The following TNRC18 variants were observed in gnomAD, a reference collection of about 807,000 sequenced individuals.
TNRC18 encodes the protein trinucleotide repeat containing 18.
TNRC18 carries 69 observed loss-of-function variants against 226.7 expected under a neutral mutation model. The observed-to-expected ratio is 0.30, with a 90% CI of 0.25 to 0.37. The LOEUF is 0.37. TNRC18 is among the 10% of genes least tolerant of loss of function. The probability of loss-of-function intolerance (pLI) is 1.00; values close to 1 mark genes in which losing one functional copy is unlikely to be tolerated. For missense variants in TNRC18, 4,754 were observed against 4,256.6 expected, an observed-to-expected ratio of 1.12 and a Z score of -3.25; for synonymous variants, 2,449 against 1,927.6, an observed-to-expected ratio of 1.27 and a Z score of -7.09.
chr7:5,313,039 A>AT lies in TNRC18; in HGVS notation c.7851_7852insA (p.Ser2618IlefsTer67). ...GAGGAGGAGGAGGAGGAGGATGAGG[A>AT]GGAGGAGGAGGAGGCCGGTGAGGCC... On this transcript the variant is annotated frameshift_variant, in exon 27 of 30. Transcript: ENST00000430969. LOFTEE classifies it high-confidence loss of function. The AT allele has an allele frequency of 1.1e-6, 1 of 943,708 alleles. No homozygotes were observed. Among genetic ancestry groups the AT allele is most frequent in the Non-Finnish European group, 1.7e-6 (1 of 605,908 alleles). The allele number at this position is 943,708 out of a possible 1,614,324, so 58.5% of individuals were successfully genotyped here.
At chr7:5,318,952 A>T (rs1184962338) in intron 24 of TNRC18, among the ~76,000 whole-genome samples, 1 of 152,236 alleles carries the variant, frequency 6.6e-6, no homozygotes, top group Non-Finnish European at 1.5e-5. Flanking sequence ...TCCACTGCTT[A>T]AAACAAGGAA....
In TNRC18 at chr7:5,370,851, T is replaced by G; in HGVS notation, c.3743A>C (p.Gln1248Pro). The stretch of plus-strand genomic sequence containing the variant: ...CTCCACCAGTGTCTCGGGTGTCAGC[T>G]GCACCCCCAGGTCCAGGGCGGCGGT... The part of the protein sequence containing the change: ...PCTAALDLGV[Q>P]LTPETLVEAK... Residue 1248 changes from glutamine (Q) to proline (P), a missense_variant, in exon 11 of 30, where the codon CAG (glutamine) becomes CCG (proline). Physicochemically the swap from Gln to Pro is moderately conservative, Grantham distance 76. Transcript: ENST00000430969. The G allele has an allele frequency of 6.2e-7, 1 of 1,609,004 alleles. No individual in the cohort carries two copies. The highest frequency in any genetic ancestry group is 1.3e-5 in the African/African-American group (1 of 74,902).
At chr7:5,380,219 G>A (rs917645836) in intron 5 of TNRC18, among the ~76,000 whole-genome samples, 5 of 152,208 alleles carry the variant, frequency 3.3e-5, no homozygotes, top group African/African-American at 4.8e-5. Context: ...GCCGAGGTGG[G>A]AGGATCACTG....
Position 5,308,928 on chromosome 7 carries a change from G to A in TNRC18, c.8647C>T (p.Arg2883Cys), listed in dbSNP as rs780652959. ...QGQHWDQKSS[R>C]SLPAALRVSS... ...ACCCGCAGGGCCGCCGGGAGGCTGC[G>A]GCTGGACTTCTGGTCCCAGTGCTGT... Residue 2883 changes from arginine (R) to cysteine (C), a missense_variant, in exon 29 of 30, where the codon CGC becomes TGC. By Grantham distance (180) the Arg-to-Cys change is radical. Coordinates refer to ENST00000430969, the MANE Select transcript of TNRC18 (RefSeq NM_001080495.3). 7.3e-5 allele frequency: 117 copies of A among 1,605,698 alleles called. No individual in the cohort carries two copies. Among genetic ancestry groups the A allele is most frequent in the Admixed American group, 1.5e-4 (9 of 59,200 alleles).
rs902748866 is a variant in TNRC18, at chr7:5,313,077, G to A, written c.7814C>T (p.Ala2605Val). The A allele has an allele frequency of 1.7e-6, 2 of 1,206,320 alleles. No homozygotes were observed. The highest frequency in any genetic ancestry group is 3.0e-5 in the African/African-American group (2 of 66,626). The allele number at this position is 1,206,320 out of a possible 1,614,324, so 74.7% of individuals were successfully genotyped here. Residue 2605 changes from alanine to valine, a missense_variant, in exon 27 of 30, where the codon GCC becomes GTC. By Grantham distance (64) the Ala-to-Val change is moderately conservative. Transcript: ENST00000430969. ...GGCCGGTGAGGCCGCCCTGGAGCTG[G>A]CAGCGCTGCAGTTACGGCCCCCGGT... ...CGTGGRNCSAASSRAASPASS... is the reference protein window; with the variant it reads ...CGTGGRNCSAVSSRAASPASS...
chr7:5,377,828 A>G lies in TNRC18; in HGVS notation c.2255+94T>C. The G allele has an allele frequency of 1.6e-6, 2 of 1,289,264 alleles. No homozygotes were observed. The highest frequency in any genetic ancestry group is 2.2e-6 in the Non-Finnish European group (2 of 906,976). 79.9% of individuals were successfully genotyped at this position (1,289,264 alleles called of 1,614,324 possible). ...CTCAGTACCATAGCATCCATGGTCG[A>G]GGGGCCAAGCCCACCTGGGGTCATC... On this transcript the variant is annotated intron_variant, in intron 6 of 29. Coordinates refer to ENST00000430969, the MANE Select transcript of TNRC18 (RefSeq NM_001080495.3). The surrounding 1 kb of genome is among the most constrained non-coding windows in gnomAD (Gnocchi z 5.8).
chr7:5,321,033 G>C (rs1286105173), intron 22 of TNRC18, 40 bp downstream of exon 22: 1 of 1,420,272 alleles, frequency 7.0e-7, no homozygotes, highest in African/African-American at 1.4e-5. Context: ...GGGCGGGTAT[G>C]GGACACGGGG....
intron 1 of TNRC18, chr7:5,423,145 T>G (rs1415086891): frequency 6.6e-6 from 1 of 152,062 alleles, no homozygotes; most frequent in Non-Finnish European, 1.5e-5. Flanking sequence ...CGTCCCGGGC[T>G]CCCCCGCCGC....
chr7:5,375,737 C>G (rs756844553), intron 9 of TNRC18, among the ~76,000 whole-genome samples: 1 of 152,152 alleles, frequency 6.6e-6, no homozygotes, highest in Non-Finnish European at 1.5e-5. Context: ...TGTCCAATCA[C>G]CCTTCCCCAG....
At chr7:5,396,871 C>T (rs935380160) in intron 2 of TNRC18, among the ~76,000 whole-genome samples, 1 of 152,318 alleles carries the variant, frequency 6.6e-6, no homozygotes, top group East Asian at 1.9e-4. Flanking sequence ...TGCCTCCCTT[C>T]TCCCCAATAA....
At chr7:5,404,607 G>T (rs1781339846) in intron 2 of TNRC18, among the ~76,000 whole-genome samples, 1 of 152,084 alleles carries the variant, frequency 6.6e-6, no homozygotes, top group Admixed American at 6.6e-5. Flanking sequence ...AAATCCGCAA[G>T]GCTTACCGAG....
At chr7:5,347,171 G>A (rs990376746) in intron 17 of TNRC18, among the ~76,000 whole-genome samples, 3 of 148,968 alleles carry the variant, frequency 2.0e-5, no homozygotes, top group African/African-American at 7.4e-5. Flanking sequence ...AGCAAACCTT[G>A]TCTCTACAAA....
chr7:5,356,221 G>A (rs1382402279), intron 16 of TNRC18, among the ~76,000 whole-genome samples: 1 of 151,396 alleles, frequency 6.6e-6, no homozygotes, highest in Non-Finnish European at 1.5e-5. Context: ...GATGGCAGCA[G>A]GTTCCAGTGG....
At chr7:5,408,717 G>A (rs1483815057) in intron 2 of TNRC18, among the ~76,000 whole-genome samples, 1 of 152,192 alleles carries the variant, frequency 6.6e-6, no homozygotes, top group African/African-American at 2.4e-5. Context: ...TGGCACAGTG[G>A]AGAGTGGGGA....
chr7:5,393,681 C>A (rs961879356), intron 3 of TNRC18, among the ~76,000 whole-genome samples: 6 of 152,160 alleles, frequency 3.9e-5, no homozygotes, highest in African/African-American at 1.4e-4. Flanking sequence ...CCTGTCAAAG[C>A]CAGAGAAGAC....
rs1210411050 is a variant in TNRC18 at position 5,388,537 on chromosome 7, C to T, written c.1287G>A (p.Lys429=). 10 of 1,317,488 alleles carry T rather than the reference C, an allele frequency of 7.6e-6. No individual in the cohort carries two copies. The highest frequency in any genetic ancestry group is 1.6e-5 in the African/African-American group (1 of 63,068). 81.6% of individuals were successfully genotyped at this position (1,317,488 alleles called of 1,614,324 possible). A position where few individuals can be genotyped will look rare whatever the true frequency, so the allele number is the denominator to read the frequency against. Residue 429 remains lysine, a synonymous_variant, in exon 5 of 30, where the codon AAG becomes AAA. Transcript: ENST00000430969. ...PLDRPEGLRE[K]NSVIRSLKRP... ...GCTTGAGCGAGCGGATGACCGAGTTCTTCTCGCGCAGGCCCTCGGGCCGGT... is the reference window on the plus strand; with the variant it reads ...GCTTGAGCGAGCGGATGACCGAGTTTTTCTCGCGCAGGCCCTCGGGCCGGT...
At position 5,387,738 on chromosome 7, in the gene TNRC18, C is replaced by A. The variant is rs556357679; in HGVS notation, c.2086G>T (p.Gly696Cys). 788 of 1,607,026 alleles carry A rather than the reference C, an allele frequency of 4.9e-4. 15 individuals carry two copies. In the South Asian group the frequency reaches 8.0e-3, roughly 16 times the overall value. Residue 696 changes from glycine (G) to cysteine (C), a missense_variant, in exon 5 of 30, where the codon GGC (glycine) becomes TGC (cysteine). Coordinates refer to ENST00000430969, the MANE Select transcript of TNRC18 (RefSeq NM_001080495.3). The part of the protein sequence containing the change: ...VAVARQKDSG[G>C]SGRLGPGLVD... ...AGCCCAGGCCCCAGCCGGCCACTGC[C>A]GCCACTGTCCTTCTGCCGGGCCACA... is the stretch of plus-strand genomic sequence containing the variant.
intron 11 of TNRC18, among the ~76,000 whole-genome samples, chr7:5,368,374 G>A (rs1198767853): frequency 6.6e-6 from 1 of 151,008 alleles, no homozygotes; most frequent in African/African-American, 2.4e-5. Context: ...AACATTTTAA[G>A]TAAAGTGTCC....
intron 5 of TNRC18, among the ~76,000 whole-genome samples, chr7:5,387,428 A>G (rs1419371436): frequency 2.0e-5 from 3 of 152,278 alleles, no homozygotes; most frequent in African/African-American, 7.2e-5. Context: ...TGCGATGCAC[A>G]CAAAGACTGA....
Sources: allele counts gnomAD v4.1 joint callset (sites outside exome capture counted in the v4.1 genomes callset), GRCh38; gene constraint gnomAD v4.1.1; non-coding constraint Gnocchi (gnomAD v3.1); transcripts MANE v1.5; gene names NCBI Gene and HGNC (gene_info 2026-07-23, HGNC 2026-07-21).